The following CLUAP1 variants were observed in gnomAD, a reference collection of about 807,000 sequenced individuals.
CLUAP1 encodes clusterin-associated protein 1.
Under a neutral mutation model 55.0 loss-of-function variants are expected in CLUAP1, and 50 were observed. The ratio of observed to expected loss-of-function variants is 0.91; its 90% CI spans 0.72 to 1.15. The LOEUF is 1.15. CLUAP1 is among the 50% of genes most tolerant of loss of function. The probability of loss-of-function intolerance (pLI) is 0.00; values close to 1 mark genes in which losing one functional copy is unlikely to be tolerated. For missense variants in CLUAP1, 530 were observed against 507.6 expected, an observed-to-expected ratio of 1.04 and a Z score of -0.42; for synonymous variants, 195 against 175.4, an observed-to-expected ratio of 1.11 and a Z score of -0.88.
chr16:3,524,428 C>T (rs755176382), intron 8 of CLUAP1, among the ~76,000 whole-genome samples: 3 of 151,168 alleles, frequency 2.0e-5, no homozygotes, highest in Middle Eastern at 3.2e-3. Flanking sequence ...GGTGAAACCC[C>T]GTCTACTAAA....
upstream of CLUAP1, among the ~76,000 whole-genome samples, chr16:3,498,841 A>G (rs1366104816): frequency 1.3e-5 from 2 of 152,082 alleles, no homozygotes; most frequent in Admixed American, 1.3e-4. Flanking sequence ...AGACTGGGTA[A>G]CAGAGCGAGA....
chr16:3,532,579 T>C (rs965520913), intron 10 of CLUAP1, among the ~76,000 whole-genome samples: 6 of 147,096 alleles, frequency 4.1e-5, no homozygotes, highest in African/African-American at 1.6e-4. Context: ...CATACCTGGC[T>C]AATGTTTAAA....
Position 3,506,484 on chromosome 16 carries a change from C to A in CLUAP1, c.219+69C>A, listed in dbSNP as rs2074523. The A allele has an allele frequency of 5.0e-6, 6 of 1,190,556 alleles. No individual in the cohort carries two copies. The Admixed American group carries it at 8.5e-5, about 17-fold the overall frequency. The allele number at this position is 1,190,556 out of a possible 1,614,324, so 73.7% of individuals were successfully genotyped here. On this transcript the variant is annotated intron_variant, in intron 3 of 11. Transcript: ENST00000576634. ...TAGAAAGGATGACTCCTTGTTAGGG[C>A]GACTTTCAAACTGTGTAATTGAGTT...
chr16:3,513,809 G>T (rs2037680208), intron 5 of CLUAP1, among the ~76,000 whole-genome samples: 1 of 152,146 alleles, frequency 6.6e-6, no homozygotes, highest in South Asian at 2.1e-4. Context: ...AAGCATATGT[G>T]CTCAATCTAA....
intron 11 of CLUAP1, chr16:3,533,263 G>T (rs1269694483): frequency 2.3e-6 from 2 of 881,104 alleles, no homozygotes; most frequent in Non-Finnish European, 3.6e-6. Flanking sequence ...TGGGCAAAAA[G>T]GCCACTCAAA....
intron 1 of CLUAP1, chr16:3,501,897 T>C (rs1264927799): frequency 6.6e-6 from 1 of 152,202 alleles, no homozygotes; most frequent in Non-Finnish European, 1.5e-5. Flanking sequence ...CTCTGTGTTA[T>C]GCGCATTTCA....
upstream of CLUAP1, chr16:3,496,334 A>T: frequency 8.6e-7 from 1 of 1,165,630 alleles, no homozygotes; most frequent in Non-Finnish European, 1.3e-6. Context: ...CTCCACATTC[A>T]ACCAGGTTGT....
chr16:3,504,704 A>G lies in CLUAP1; in HGVS notation c.23-16A>G. ...TGTGATGGGGAACTGAATGAATTGT[A>G]TTTTTCCTTGGACAGATTTCACAGA... On this transcript the variant is annotated splice_polypyrimidine_tract_variant and intron_variant, in intron 1 of 11. Transcript: ENST00000576634. 7.1e-7 allele frequency: 1 copy of G among 1,409,700 alleles called. No individual in the cohort carries two copies. The allele number at this position is 1,409,700 out of a possible 1,614,324, so 87.3% of individuals were successfully genotyped here. A position where few individuals can be genotyped will look rare whatever the true frequency, so the allele number is the denominator to read the frequency against.
intron 6 of CLUAP1, among the ~76,000 whole-genome samples, chr16:3,519,130 C>T (rs17198722): frequency 0.097 from 14,715 of 152,290 alleles, 998 homozygotes; most frequent in Non-Finnish European, 0.15. Context: ...CGGCGCACTA[C>T]CAGTGACTCT....
chr16:3,512,047 G>T (rs537744739), intron 4 of CLUAP1, among the ~76,000 whole-genome samples: 2 of 152,218 alleles, frequency 1.3e-5, no homozygotes, highest in South Asian at 4.1e-4. Flanking sequence ...TTAGCCGGGC[G>T]TGGTGGCACA....
intron 5 of CLUAP1, among the ~76,000 whole-genome samples, chr16:3,514,126 A>C (rs1029632226): frequency 6.6e-6 from 1 of 152,198 alleles, no homozygotes; most frequent in Admixed American, 6.5e-5. Context: ...AGTGGTGTAC[A>C]TATGTCTGTA....
upstream of CLUAP1, among the ~76,000 whole-genome samples, chr16:3,500,141 C>A (rs1226800838): frequency 6.6e-6 from 1 of 152,232 alleles, no homozygotes; most frequent in Non-Finnish European, 1.5e-5. Context: ...CGTCTCCTCG[C>A]GCCCCCATGC....
intron 1 of CLUAP1, 118 bp downstream of exon 1, chr16:3,501,207 G>T (rs2037392508): frequency 1.9e-6 from 2 of 1,071,390 alleles, no homozygotes; most frequent in Non-Finnish European, 2.7e-6. Flanking sequence ...CTCCTTTCGG[G>T]CCTCTGCGCC....
chr16:3,503,959 A>G (rs1334700269), intron 1 of CLUAP1, among the ~76,000 whole-genome samples: 1 of 152,190 alleles, frequency 6.6e-6, no homozygotes, highest in Non-Finnish European at 1.5e-5. Context: ...GACAGACCTT[A>G]AATAACCAGG....
intron 6 of CLUAP1, among the ~76,000 whole-genome samples, chr16:3,518,502 G>A (rs2151055750): frequency 6.6e-6 from 1 of 152,368 alleles, no homozygotes; most frequent in Middle Eastern, 3.4e-3. Flanking sequence ...TGTTTACACA[G>A]CTGTTTTGCA....
upstream of CLUAP1, among the ~76,000 whole-genome samples, chr16:3,497,692 C>T (rs1011448293): frequency 2.0e-4 from 30 of 152,150 alleles, no homozygotes; most frequent in Non-Finnish European, 4.1e-4. Context: ...GACATGATCA[C>T]GGCTCACTGC....
chr16:3,526,098 A>G (rs886627238), intron 8 of CLUAP1, among the ~76,000 whole-genome samples: 1 of 152,156 alleles, frequency 6.6e-6, no homozygotes, highest in African/African-American at 2.4e-5. Flanking sequence ...TCCCCAGGTC[A>G]TACAGGCATG....
chr16:3,515,434 A>C lies in CLUAP1; in HGVS notation c.496-74A>C, dbSNP rs2037711545. ...TTCGGAGAATCAGTCTATAAGGCAC[A>C]TCTAGATCTAGGAATACTGGTTTTG... On this transcript the variant is annotated intron_variant, in intron 5 of 11. Transcript: ENST00000576634. The C allele has an allele frequency of 2.8e-6, 3 of 1,059,510 alleles. No individual in the cohort carries two copies. The South Asian group carries it at 4.2e-5, about 15-fold the overall frequency. The allele number at this position is 1,059,510 out of a possible 1,614,324, so 65.6% of individuals were successfully genotyped here. A position where few individuals can be genotyped will look rare whatever the true frequency, so the allele number is the denominator to read the frequency against.
chr16:3,510,863 G>T (rs750928871), intron 4 of CLUAP1, among the ~76,000 whole-genome samples: 1 of 152,250 alleles, frequency 6.6e-6, no homozygotes, highest in South Asian at 2.1e-4. Flanking sequence ...CCGATTGGCT[G>T]TCCAGGTGGA....
Sources: gnomAD v4.1 joint callset for allele counts (sites outside exome capture counted in the v4.1 genomes callset) on GRCh38, gnomAD v4.1.1 for gene constraint, MANE v1.5 for transcripts, NCBI Gene and HGNC (gene_info 2026-07-23, HGNC 2026-07-21) for gene names.